The following PDZD7 variants were observed in gnomAD, a reference collection of about 807,000 sequenced individuals.
The protein encoded by PDZD7 is PDZ domain-containing protein 7.
PDZD7 carries 72 observed loss-of-function variants against 84.7 expected under a neutral mutation model. The ratio of observed to expected loss-of-function variants is 0.85; its 90% confidence interval spans 0.70 to 1.03. The LOEUF (loss-of-function observed/expected upper bound fraction) is 1.03, where lower values mean the gene tolerates loss of function less well. PDZD7 is among the 50% of genes least tolerant of loss of function. PDZD7 has a pLI of 0.00. For missense variants in PDZD7, 1,490 were observed against 1,412.9 expected (o/e 1.05, Z -0.87); for synonymous variants, 594 against 580.7 (o/e 1.02, Z -0.33).
rs1263925793 is a variant in PDZD7 at position 101,010,548 on chromosome 10, G to A, written c.2341C>T (p.Arg781Cys). ...QSRSRSRSRS[R>C]SRSSRGQGKS... The stretch of plus-strand genomic sequence containing the variant: ...CCTTGACCCCGGCTGCTGCGGCTGC[G>A]GCTGCGGCTACGGCTGCGGCTACGG... The change falls in exon 15 of 17, where the codon CGC becomes TGC. Residue 781 changes from arginine (R) to cysteine (C), a missense_variant. By Grantham distance (180) the Arg-to-Cys change is radical. Coordinates refer to ENST00000619208, the MANE Select transcript of PDZD7 (RefSeq NM_001195263.2). The A allele has an allele frequency of 3.3e-6, 5 of 1,524,516 alleles. No individual in the cohort carries two copies. The Admixed American group carries it at 9.9e-5, about 30-fold the overall frequency. 94.4% of individuals were successfully genotyped at this position (1,524,516 alleles called of 1,614,324 possible). A position where few individuals can be genotyped will look rare whatever the true frequency, so the allele number is the denominator to read the frequency against.
At chr10:101,025,896 C>T (rs1370397916) in intron 2 of PDZD7, among the ~76,000 whole-genome samples, 1 of 152,134 alleles carries the variant, frequency 6.6e-6, no homozygotes, top group Non-Finnish European at 1.5e-5. Flanking sequence ...TCTTTGGAGG[C>T]ATGCAAGCTG....
At position 101,023,422 on chromosome 10, in the gene PDZD7, G is replaced by A; in HGVS notation, c.542+14C>T. ...GGGCAAGGCCAGGGCTAGGATGAGG[G>A]AGTTGCTGCTCACCACGTGGTCTTC... On this transcript the variant is annotated intron_variant, in intron 4 of 16. Coordinates refer to ENST00000619208, the MANE Select transcript of PDZD7 (RefSeq NM_001195263.2). The A allele has an allele frequency of 3.7e-6, 6 of 1,613,998 alleles. No individual in the cohort carries two copies. Among genetic ancestry groups the A allele is most frequent in the Non-Finnish European group, 5.1e-6 (6 of 1,180,020 alleles).
chr10:101,019,538 T>TCCTCCTCCTCCTCC (rs1852932172), intron 7 of PDZD7, among the ~76,000 whole-genome samples: 1 of 113,292 alleles, frequency 8.8e-6, no homozygotes, highest in Admixed American at 9.1e-5. Context: ...CTGCTTCTGC[T>TCCTCCTCCTCCTCC]TCTGCCTCCT....
At position 101,022,274 on chromosome 10, in the gene PDZD7, G is replaced by A. The variant is rs757738368; in HGVS notation, c.654C>T (p.Asp218=). The part of the protein sequence containing the change: ...RRIVHLYTTS[D]DFCLGFNIRG... ...GGATGTTGAAGCCCAGGCAGAAGTC[G>A]TCGGAGGTTGTGTATAGGTGGACGA... Residue 218 remains aspartate (D), a synonymous_variant, in exon 5 of 17, where the codon GAC becomes GAT. Coordinates refer to ENST00000619208, the MANE Select transcript of PDZD7 (RefSeq NM_001195263.2). 5.6e-6 allele frequency: 9 copies of A among 1,614,130 alleles called. No individual in the cohort carries two copies. Among genetic ancestry groups the A allele is most frequent in the East Asian group, 2.2e-5 (1 of 44,894 alleles).
chr10:101,018,205 G>C lies in PDZD7; in HGVS notation c.1416C>G (p.Phe472Leu). 1.9e-6 allele frequency: 3 copies of C among 1,614,220 alleles called. No individual in the cohort carries two copies. Among genetic ancestry groups the C allele is most frequent in the Non-Finnish European group, 2.5e-6 (3 of 1,180,034 alleles). Residue 472 changes from phenylalanine (F) to leucine (L), a missense_variant, in exon 9 of 17, where the codon TTC becomes TTG. By Grantham distance (22) the Phe-to-Leu change is conservative. Coordinates refer to ENST00000619208, the MANE Select transcript of PDZD7 (RefSeq NM_001195263.2). ...CTAGCCTCCCCTGCCGCCCTCCCTTGAAGAAGAGGTTCATCAGCGTCTTGG... is the reference window on the plus strand; with the variant it reads ...CTAGCCTCCCCTGCCGCCCTCCCTTCAAGAAGAGGTTCATCAGCGTCTTGG... ...QRSKTLMNLF[F>L]KGGRQGRLAR...
chr10:101,018,136 G>T lies in PDZD7; in HGVS notation c.1485C>A (p.Ser495Arg), dbSNP rs766182369. ...CCAGGCGAGGGTAAGTTTTGGCCAG[G>T]CTCCCGCTGTCCAGTGTCCAGGCCT... ...RREAWTLDSG[S>R]LAKTYPRLDI... is the part of the protein sequence containing the mutation. The change falls in exon 9 of 17, where the codon AGC (serine) becomes AGA (arginine). Residue 495 changes from serine to arginine, a missense_variant. By Grantham distance (110) the Ser-to-Arg change is moderately radical. Transcript: ENST00000619208. The T allele has an allele frequency of 8.7e-6, 14 of 1,614,074 alleles. No homozygotes were observed. In the African/African-American group the frequency reaches 1.9e-4, roughly 22 times the overall value.
At chr10:101,023,167 G>C (rs935938561) in intron 4 of PDZD7, 3 of 510,978 alleles carry the variant, frequency 5.9e-6, no homozygotes, top group Admixed American at 3.1e-5. Flanking sequence ...CCTGTAGAGA[G>C]GTGGTGTTTT....
Position 101,010,323 on chromosome 10 carries a change from G to T in PDZD7, c.2566C>A (p.Pro856Thr), listed in dbSNP as rs1852350226. ...GTAKEAAMKN[P>T]SGELKTVTLS... ...GTCACTGTCTTCAGCTCGCCACTGG[G>T]GTTCTTCATGGCTGCCTCCTTGGCC... is the stretch of plus-strand genomic sequence containing the variant. Residue 856 changes from proline to threonine, a missense_variant, in exon 15 of 17, where the codon CCC (proline) becomes ACC (threonine). Pro to Thr is a conservative substitution (Grantham distance 38). Coordinates refer to ENST00000619208, the MANE Select transcript of PDZD7 (RefSeq NM_001195263.2). 3.3e-6 allele frequency: 5 copies of T among 1,536,018 alleles called. No individual in the cohort carries two copies. The highest frequency in any genetic ancestry group is 1.7e-6 in the Non-Finnish European group (2 of 1,146,802).
Position 101,029,050 on chromosome 10 carries a change from C to T in PDZD7, c.226+944G>A, listed in dbSNP as rs149072953. Among the ~76,000 whole-genome samples, 953 of 152,324 alleles carry T rather than the reference C, an allele frequency of 6.3e-3. 4 individuals are homozygous for T. Among genetic ancestry groups the T allele is most frequent in the Non-Finnish European group, 0.011 (744 of 68,012 alleles). ...GATCCAGCCAGGGGAGCTCTGCTGGCTAAGAAAGAGGAGAGGAGCTGGAGA... is the reference window on the plus strand; with the variant it reads ...GATCCAGCCAGGGGAGCTCTGCTGGTTAAGAAAGAGGAGAGGAGCTGGAGA... On this transcript the variant is annotated intron_variant, in intron 2 of 16. Transcript: ENST00000619208.
intron 9 of PDZD7, 75 bp from the exon 10 acceptor site, chr10:101,016,502 A>T: frequency 6.8e-7 from 1 of 1,461,946 alleles, no homozygotes; most frequent in Non-Finnish European, 9.4e-7. Context: ...GGCTCAGGAC[A>T]AGCTGGAATG....
At chr10:101,017,831 G>GAA (rs1174442948) in intron 9 of PDZD7, 5 of 300,728 alleles carry the variant, frequency 1.7e-5, no homozygotes, top group African/African-American at 1.3e-4. Context: ...AGAAAGGAAG[G>GAA]AAGGAAGGAA....
At position 101,012,222 on chromosome 10, in the gene PDZD7, G is replaced by C. The variant is rs1321037769; in HGVS notation, c.1786C>G (p.Pro596Ala). The C allele has an allele frequency of 3.2e-6, 5 of 1,550,398 alleles. No individual in the cohort carries two copies. Among genetic ancestry groups the C allele is most frequent in the Non-Finnish European group, 4.4e-6 (5 of 1,146,992 alleles). Residue 596 changes from proline to alanine, a missense_variant, in exon 12 of 17, where the codon CCC (proline) becomes GCC (alanine). Pro to Ala is a conservative substitution (Grantham distance 27). Transcript: ENST00000619208. ...GGCCTGTCGAGGATGGCCAGCAGGG[G>C]CCTCACCAGGTCCTCTATGCCTCCC... ...HEGGIEDLVR[P>A]LLAILDRPEK...
chr10:101,016,462 G>T lies in PDZD7; in HGVS notation c.1523-35C>A, dbSNP rs192881179. On this transcript the variant is annotated intron_variant, in intron 9 of 16. Coordinates refer to ENST00000619208, the MANE Select transcript of PDZD7 (RefSeq NM_001195263.2). The stretch of plus-strand genomic sequence containing the variant: ...AGAAAGAGGCTCAGCTGCAGGCCTT[G>T]GCCCCCAGTCTGAAAATGGGGTTCA... 7.4e-5 allele frequency: 114 copies of T among 1,549,846 alleles called. 4 individuals are homozygous for T. In the East Asian group the frequency reaches 2.8e-3, roughly 38 times the overall value.
At chr10:101,019,855 A>G (rs1452279714) in intron 7 of PDZD7, among the ~76,000 whole-genome samples, 2 of 148,248 alleles carry the variant, frequency 1.3e-5, no homozygotes, top group Non-Finnish European at 3.0e-5. Flanking sequence ...CGAGCACCTG[A>G]CCTCAGGTGA....
intron 16 of PDZD7, 111 bp from the exon 17 acceptor site, chr10:101,008,961 A>G: frequency 7.8e-7 from 1 of 1,279,672 alleles, no homozygotes; most frequent in South Asian, 1.6e-5. Flanking sequence ...CTCCTCCCCC[A>G]TCTGGGTGGA....
chr10:101,016,689 G>A (rs1318773894), intron 9 of PDZD7, among the ~76,000 whole-genome samples: 2 of 152,216 alleles, frequency 1.3e-5, no homozygotes, highest in Admixed American at 6.5e-5. Context: ...GGAAGCAAAT[G>A]TATGGAGGGA....
chr10:101,010,037 C>T (rs781410235), intron 15 of PDZD7, among the ~76,000 whole-genome samples: 36 of 152,160 alleles, frequency 2.4e-4, no homozygotes, highest in Admixed American at 1.1e-3. Context: ...GGATTACAGG[C>T]GCCCACCACC....
rs937306294 is a variant in PDZD7, at chr10:101,026,456, C to A, written c.227-2388G>T. Among the ~76,000 whole-genome samples, 5 of 139,214 alleles carry A rather than the reference C, an allele frequency of 3.6e-5. No individual in the cohort carries two copies. In the South Asian group the frequency reaches 9.1e-4, roughly 25 times the overall value. 91.3% of individuals were successfully genotyped at this position (139,214 alleles called of 152,430 possible). On this transcript the variant is annotated intron_variant, in intron 2 of 16. Transcript: ENST00000619208. ...AGGCCAGGTAAGGTTTCTGTAAGGACTCTGATGGGTGGGATTTTGATGGGT... is the reference window on the plus strand; with the variant it reads ...AGGCCAGGTAAGGTTTCTGTAAGGAATCTGATGGGTGGGATTTTGATGGGT...
At chr10:101,029,961 CAA>C in intron 2 of PDZD7, 31 bp downstream of exon 2, 115 of 1,517,722 alleles carry the variant, frequency 7.6e-5, no homozygotes, top group Non-Finnish European at 1.0e-4. Flanking sequence ...CCACCCTCCC[CAA>C]CCCAGGCCAG....
Sources: allele counts gnomAD v4.1 joint callset (sites outside exome capture counted in the v4.1 genomes callset), GRCh38; gene constraint gnomAD v4.1.1; transcripts MANE v1.5; gene names NCBI Gene and HGNC (gene_info 2026-07-23, HGNC 2026-07-21).